Variants in SPPL3 observed in about 807,000 individuals in gnomAD.
SPPL3 encodes the protein signal peptide peptidase like 3, also known as signal peptide peptidase-like 3.
Under a neutral mutation model 42.4 loss-of-function variants are expected in SPPL3, and 5 were observed. That is an observed-to-expected ratio of 0.12 (90% CI 0.06 to 0.25). The LOEUF (loss-of-function observed/expected upper bound fraction) is 0.25. Among genes scored for constraint, SPPL3 ranks in the 10% least tolerant of loss-of-function variants. SPPL3 has a pLI of 1.00. For synonymous variants in SPPL3, 195 were observed against 181.8 expected (o/e 1.07, Z -0.58); for missense variants, 235 against 489.0 (o/e 0.48, Z 4.90).
At chr12:120,845,343 G>A (rs1233272384) in intron 1 of SPPL3, 4 of 353,920 alleles carry the variant, frequency 1.1e-5, no homozygotes, top group Non-Finnish European at 2.3e-5. Context: ...TGAACTCCTC[G>A]CAGGCCTCAA....
chr12:120,789,477 A>T (rs1869839853), intron 3 of SPPL3, among the ~76,000 whole-genome samples: 1 of 151,158 alleles, frequency 6.6e-6, no homozygotes, highest in Non-Finnish European at 1.5e-5. Flanking sequence ...AAAAGCATTT[A>T]AAAAAGAAGT....
intron 1 of SPPL3, among the ~76,000 whole-genome samples, chr12:120,833,379 CTAATA>C (rs1871494371): frequency 6.6e-6 from 1 of 151,968 alleles, no homozygotes; most frequent in African/African-American, 2.4e-5. Context: ...CGATAGGAAA[CTAATA>C]TAATATTCTA....
intron 1 of SPPL3, among the ~76,000 whole-genome samples, chr12:120,875,251 T>C (rs1382202267): frequency 6.6e-6 from 1 of 151,962 alleles, no homozygotes; most frequent in African/African-American, 2.4e-5. Flanking sequence ...TGAAAATAAC[T>C]AAAACAGAAA....
intron 1 of SPPL3, among the ~76,000 whole-genome samples, chr12:120,838,270 C>T (rs532702854): frequency 8.3e-4 from 126 of 152,214 alleles, no homozygotes; most frequent in South Asian, 1.2e-3. Context: ...TTATTTTTTC[C>T]TTATCAGCTC....
At chr12:120,774,789 T>A (rs1869252119) in intron 6 of SPPL3, among the ~76,000 whole-genome samples, 1 of 151,984 alleles carries the variant, frequency 6.6e-6, no homozygotes, top group African/African-American at 2.4e-5. Flanking sequence ...AAGGCTAAAG[T>A]GAAGGGAGGT....
At chr12:120,828,414 C>T (rs1293107696) in intron 1 of SPPL3, among the ~76,000 whole-genome samples, 2 of 134,320 alleles carry the variant, frequency 1.5e-5, no homozygotes, top group Non-Finnish European at 3.3e-5. Context: ...TTAAAAAAAA[C>T]TAGAAAAAAA....
chr12:120,784,050 G>A (rs539768380), intron 4 of SPPL3, among the ~76,000 whole-genome samples: 2 of 152,206 alleles, frequency 1.3e-5, no homozygotes, highest in South Asian at 4.1e-4. Flanking sequence ...TCAATACTTA[G>A]CTTGAAAACA....
intron 1 of SPPL3, among the ~76,000 whole-genome samples, chr12:120,887,414 C>T (rs988350919): frequency 6.6e-6 from 1 of 152,092 alleles, no homozygotes; most frequent in African/African-American, 2.4e-5. Context: ...AGAACTGACA[C>T]ATCAAGGCAC....
Position 120,764,919 on chromosome 12 carries a change from G to C in SPPL3, c.*80C>G, listed in dbSNP as rs2136963650. The stretch of plus-strand genomic sequence containing the variant: ...AACACAGGTACATTTCTGAGTACCA[G>C]GCCAGCTCTAAGAGGAAACAAACCA... On this transcript the variant is annotated 3_prime_UTR_variant, in exon 11 of 11. Coordinates refer to ENST00000353487, the MANE Select transcript of SPPL3 (RefSeq NM_139015.5). 2.7e-6 allele frequency: 4 copies of C among 1,482,990 alleles called. No individual in the cohort carries two copies. The highest frequency in any genetic ancestry group is 1.9e-5 in the Admixed American group (1 of 52,716). The allele number at this position is 1,482,990 out of a possible 1,614,324, so 91.9% of individuals were successfully genotyped here.
intron 1 of SPPL3, among the ~76,000 whole-genome samples, chr12:120,830,531 A>G (rs1310925241): frequency 4.8e-4 from 1 of 2,064 alleles, no homozygotes; most frequent in Non-Finnish European, 1.1e-3. Flanking sequence ...GGGGAGGGGG[A>G]GAGCAGAGGG....
intron 1 of SPPL3, among the ~76,000 whole-genome samples, chr12:120,854,619 A>T (rs1872391261): frequency 6.6e-6 from 1 of 152,214 alleles, no homozygotes; most frequent in African/African-American, 2.4e-5. Flanking sequence ...TTATTAAGGC[A>T]AGAAACCATT....
intron 3 of SPPL3, among the ~76,000 whole-genome samples, chr12:120,786,081 T>C (rs980263342): frequency 4.6e-5 from 7 of 152,178 alleles, no homozygotes; most frequent in South Asian, 2.1e-4. Flanking sequence ...GGGTTTTTGA[T>C]TGACTAAATC....
chr12:120,856,806 A>C (rs570321199), intron 1 of SPPL3, among the ~76,000 whole-genome samples: 1 of 152,134 alleles, frequency 6.6e-6, no homozygotes, highest in Non-Finnish European at 1.5e-5. Context: ...GAGAAGCAGC[A>C]AAGGGAAGCA....
chr12:120,812,462 T>G (rs1870715734), intron 1 of SPPL3, among the ~76,000 whole-genome samples: 1 of 152,172 alleles, frequency 6.6e-6, no homozygotes, highest in Non-Finnish European at 1.5e-5. Flanking sequence ...AAGGTTTGAA[T>G]GTACTGAGGA....
In SPPL3 at chr12:120,766,290, C is replaced by A; in HGVS notation, c.1056G>T (p.Leu352Phe). 6.3e-7 allele frequency: 1 copy of A among 1,595,482 alleles called. No individual in the cohort carries two copies. The highest frequency in any genetic ancestry group is 1.1e-5 in the South Asian group (1 of 87,574). ...ALLYLVPFTL[L>F]PLLTMAYLKG... is the part of the protein sequence containing the mutation. The stretch of plus-strand genomic sequence containing the variant: ...TTAAATAGGCCATCGTGAGGAGTGG[C>A]AATAAAGTAAATGGCACCAAATAGA... Residue 352 changes from leucine to phenylalanine, a missense_variant, in exon 10 of 11, where the codon TTG (leucine) becomes TTT (phenylalanine). This residue lies in a region of SPPL3 where 38 missense variants were observed against 105.2 expected (regional missense o/e 0.36). Transcript: ENST00000353487.
At chr12:120,783,813 G>C in intron 4 of SPPL3, 61 bp from the exon 5 acceptor site, 1 of 1,467,048 alleles carries the variant, frequency 6.8e-7, no homozygotes, top group Non-Finnish European at 9.4e-7. Context: ...ATGACTTATA[G>C]AAACTTCATT....
chr12:120,903,802 C>T, intron 1 of SPPL3, 43 bp downstream of exon 1: 1 of 1,450,472 alleles, frequency 6.9e-7, no homozygotes, highest in African/African-American at 1.5e-5. Flanking sequence ...CGCCCCGACC[C>T]CCACCCTTGC....
chr12:120,802,795 C>T (rs928055178), intron 2 of SPPL3, among the ~76,000 whole-genome samples: 8 of 152,144 alleles, frequency 5.3e-5, no homozygotes, highest in Admixed American at 5.2e-4. Flanking sequence ...AATTAACAGC[C>T]CATTCATTCT....
intron 1 of SPPL3, among the ~76,000 whole-genome samples, chr12:120,839,174 AG>A (rs1227626670): frequency 3.3e-5 from 5 of 151,984 alleles, no homozygotes; most frequent in African/African-American, 9.6e-5. Context: ...AATACTATGC[AG>A]CCATAAAAAA....
Sources: allele counts gnomAD v4.1 joint callset (sites outside exome capture counted in the v4.1 genomes callset), GRCh38; gene constraint gnomAD v4.1.1; regional missense constraint gnomAD v4.1.1; transcripts MANE v1.5; gene names NCBI Gene and HGNC (gene_info 2026-07-23, HGNC 2026-07-21).